The following FAM133B variants were observed in gnomAD, a reference collection of about 807,000 sequenced individuals.
FAM133B encodes family with sequence similarity 133 member B.
Under a neutral mutation model 46.4 loss-of-function variants are expected in FAM133B, and 25 were observed. The ratio of observed to expected loss-of-function variants is 0.54; its 90% CI spans 0.39 to 0.75. The LOEUF is 0.75. Among genes scored for constraint, FAM133B ranks in the 30% least tolerant of loss-of-function variants. FAM133B has a pLI of 0.00. For synonymous variants in FAM133B, 75 were observed against 86.0 expected, an observed-to-expected ratio of 0.87 and a Z score of 0.71; for missense variants, 205 against 277.6, an observed-to-expected ratio of 0.74 and a Z score of 1.86.
chr7:92,575,134 A>T (rs1794656123), intron 8 of FAM133B, among the ~76,000 whole-genome samples: 1 of 152,324 alleles, frequency 6.6e-6, no homozygotes, highest in Non-Finnish European at 1.5e-5. Context: ...TTCAATATTT[A>T]TCTATGGTAT....
intron 1 of FAM133B, among the ~76,000 whole-genome samples, chr7:92,585,676 G>GA (rs1795018379): frequency 6.6e-6 from 1 of 151,700 alleles, no homozygotes; most frequent in Non-Finnish European, 1.5e-5. Context: ...CAAAATGAAA[G>GA]AATTATTTTA....
At chr7:92,567,166 A>G (rs1036195556) in intron 9 of FAM133B, among the ~76,000 whole-genome samples, 1 of 152,062 alleles carries the variant, frequency 6.6e-6, no homozygotes, top group Non-Finnish European at 1.5e-5. Context: ...GCAGTGATCT[A>G]TGACTGCACC....
intron 1 of FAM133B, chr7:92,585,350 G>A (rs1241307784): frequency 2.0e-6 from 2 of 984,012 alleles, no homozygotes; most frequent in Non-Finnish European, 2.4e-6. Flanking sequence ...CAACAATATT[G>A]ATCACATTCT....
At chr7:92,573,576 T>C (rs980415570) in intron 8 of FAM133B, among the ~76,000 whole-genome samples, 3 of 152,072 alleles carry the variant, frequency 2.0e-5, no homozygotes, top group Non-Finnish European at 4.4e-5. Context: ...TATTACTCTG[T>C]ATCTAATATT....
intron 1 of FAM133B, among the ~76,000 whole-genome samples, chr7:92,582,293 C>CATAACATAACATAA (rs1554390068): frequency 0.046 from 6,425 of 140,652 alleles, 162 homozygotes; most frequent in East Asian, 0.073. Context: ...CATAACATAA[C>CATAACATAACATAA]ATAACATAAA....
At chr7:92,586,486 C>T (rs887781642) in intron 1 of FAM133B, among the ~76,000 whole-genome samples, 7 of 152,294 alleles carry the variant, frequency 4.6e-5, no homozygotes, top group Middle Eastern at 3.4e-3. Flanking sequence ...CATGGTTAAG[C>T]ATTCACTAAA....
At chr7:92,565,122 G>C (rs1482820856) in intron 10 of FAM133B, among the ~76,000 whole-genome samples, 1 of 149,882 alleles carries the variant, frequency 6.7e-6, no homozygotes, top group Admixed American at 6.7e-5. Context: ...GCTTAAGGAA[G>C]TCAAACAGAA....
At chr7:92,575,307 C>G (rs1794661544) in intron 8 of FAM133B, among the ~76,000 whole-genome samples, 1 of 152,116 alleles carries the variant, frequency 6.6e-6, no homozygotes, top group Non-Finnish European at 1.5e-5. Flanking sequence ...GAAACCGTCT[C>G]TACTAAAAAT....
Position 92,566,074 on chromosome 7 carries a change from A to G in FAM133B, c.610-13T>C, listed in dbSNP as rs1794340122. On this transcript the variant is annotated splice_polypyrimidine_tract_variant and intron_variant, in intron 9 of 10. Transcript: ENST00000445716. ...TTTTTGCTCGCACCTAGAAAGTTTA[A>G]ATTTTTGTGGAGAACAGAAGACAAA... is the stretch of plus-strand genomic sequence containing the variant. 1 of 1,613,004 alleles carries G rather than the reference A, an allele frequency of 6.2e-7. No homozygotes were observed. The highest frequency in any genetic ancestry group is 8.5e-7 in the Non-Finnish European group (1 of 1,179,774).
chr7:92,575,968 A>G (rs1336909236), intron 7 of FAM133B, 147 bp from the exon 8 acceptor site: 1 of 397,834 alleles, frequency 2.5e-6, no homozygotes, highest in Non-Finnish European at 4.7e-6. Context: ...TTTAAGAGAA[A>G]TATAAGTTAT....
At chr7:92,583,769 C>T (rs1174774135) in intron 1 of FAM133B, among the ~76,000 whole-genome samples, 1 of 151,850 alleles carries the variant, frequency 6.6e-6, no homozygotes, top group African/African-American at 2.4e-5. Flanking sequence ...ACAGGGTCAG[C>T]CAGGCGCGGT....
In FAM133B at chr7:92,562,245, C is replaced by T. The variant is rs1373191213; in HGVS notation, c.*37G>A. The T allele has an allele frequency of 5.3e-6, 8 of 1,501,738 alleles. No individual in the cohort carries two copies. In the East Asian group the frequency reaches 2.0e-4, roughly 37 times the overall value. 93.0% of individuals were successfully genotyped at this position (1,501,738 alleles called of 1,614,324 possible). On this transcript the variant is annotated 3_prime_UTR_variant, in exon 11 of 11. Transcript: ENST00000445716. ...ACAGTTGAAATTTCCTCAGACATTG[C>T]ACTTTCTTTATAAGGGAATCCTGAT...
chr7:92,577,349 T>C (rs926621752), intron 6 of FAM133B, 154 bp from the exon 7 acceptor site: 8 of 487,776 alleles, frequency 1.6e-5, no homozygotes, highest in Non-Finnish European at 2.5e-5. Context: ...TTTCCTGTTA[T>C]AAAGATCAAG....
chr7:92,563,052 G>A (rs1794208121), intron 10 of FAM133B, among the ~76,000 whole-genome samples: 1 of 152,156 alleles, frequency 6.6e-6, no homozygotes, highest in Admixed American at 6.5e-5. Context: ...TCCTATTTTT[G>A]TTATAGAACG....
intron 5 of FAM133B, 43 bp downstream of exon 5, chr7:92,578,104 TGGC>T: frequency 6.6e-7 from 1 of 1,516,126 alleles, no homozygotes. Flanking sequence ...CTTTTTTTGT[TGGC>T]TCTTAATTGT....
intron 10 of FAM133B, among the ~76,000 whole-genome samples, chr7:92,564,390 G>A (rs1794258556): frequency 6.6e-6 from 1 of 152,162 alleles, no homozygotes; most frequent in Admixed American, 6.5e-5. Context: ...CCTGCATAGA[G>A]TTGCTTCATA....
chr7:92,582,998 G>A (rs532210143), intron 1 of FAM133B, among the ~76,000 whole-genome samples: 1 of 152,242 alleles, frequency 6.6e-6, no homozygotes, highest in East Asian at 1.9e-4. Context: ...AGAATTCAAA[G>A]AAGGGACTAA....
chr7:92,590,193 G>A lies in FAM133B; in HGVS notation c.24+75C>T, dbSNP rs139630351. 2.5e-3 allele frequency: 4,004 copies of A among 1,610,358 alleles called. 19 individuals are homozygous for A. Among genetic ancestry groups the A allele is most frequent in the South Asian group, 7.2e-3 (655 of 90,860 alleles). On this transcript the variant is annotated intron_variant, in intron 1 of 10. Coordinates refer to ENST00000445716, the MANE Select transcript of FAM133B (RefSeq NM_152789.4). Reference sequence around the variant, plus strand: ...CTGCCGCTTGCCCTCCGGCCCGGCCGGGAACAGCGAGGGTTCTCGCTGTCC... The same window carrying A: ...CTGCCGCTTGCCCTCCGGCCCGGCCAGGAACAGCGAGGGTTCTCGCTGTCC...
Position 92,579,184 on chromosome 7 carries a change from C to T in FAM133B, c.201+133G>A, listed in dbSNP as rs891086876. 8.8e-6 allele frequency: 6 copies of T among 682,632 alleles called. No homozygotes were observed. In the Admixed American group the frequency reaches 2.0e-4, roughly 22 times the overall value. 42.3% of individuals were successfully genotyped at this position (682,632 alleles called of 1,614,324 possible). Reference sequence around the variant, plus strand: ...GGAGACAAGGGCGGCGGGGGGGGGCCTTACTTTGTTGCCCAGGCTGGTCAT... The same window carrying T: ...GGAGACAAGGGCGGCGGGGGGGGGCTTTACTTTGTTGCCCAGGCTGGTCAT... On this transcript the variant is annotated intron_variant, in intron 3 of 10. Transcript: ENST00000445716.
Sources: gnomAD v4.1 joint callset for allele counts (sites outside exome capture counted in the v4.1 genomes callset) on GRCh38, gnomAD v4.1.1 for gene constraint, MANE v1.5 for transcripts, NCBI Gene and HGNC (gene_info 2026-07-23, HGNC 2026-07-21) for gene names.